Variants in IL16 observed in about 807,000 individuals in gnomAD.
IL16 encodes pro-interleukin-16.
Under a neutral mutation model 110.1 loss-of-function variants are expected in IL16, and 67 were observed. The ratio of observed to expected loss-of-function variants is 0.61; its 90% CI spans 0.50 to 0.75. The LOEUF (loss-of-function observed/expected upper bound fraction) is 0.75, where lower values mean the gene tolerates loss of function less well. Among genes scored for constraint, IL16 ranks in the 30% least tolerant of loss-of-function variants. IL16 has a pLI of 0.00. For missense variants in IL16, 1,545 were observed against 1,655.0 expected, an observed-to-expected ratio of 0.93 and a Z score of 1.15; for synonymous variants, 689 against 662.9, an observed-to-expected ratio of 1.04 and a Z score of -0.61.
chr15:81,231,374 CTCT>C (rs1567008784), intron 2 of IL16, among the ~76,000 whole-genome samples: 8 of 146,672 alleles, frequency 5.5e-5, no homozygotes, highest in African/African-American at 1.8e-4. Flanking sequence ...CTCTCTCTCT[CTCT>C]CTCTCCCTCT....
intron 3 of IL16, among the ~76,000 whole-genome samples, chr15:81,261,387 C>T (rs1898149255): frequency 6.6e-6 from 1 of 152,138 alleles, no homozygotes; most frequent in Non-Finnish European, 1.5e-5. Context: ...CTCCCTGGCT[C>T]TCTGGCTTCT....
intron 1 of IL16, among the ~76,000 whole-genome samples, chr15:81,216,633 C>T (rs1184362645): frequency 6.7e-6 from 1 of 149,732 alleles, no homozygotes; most frequent in Admixed American, 6.6e-5. Flanking sequence ...AGCTGGGCCA[C>T]ATCTGTCTGT....
At chr15:81,285,575 A>G (rs373142044) in intron 9 of IL16, 123 bp from the exon 10 acceptor site, 6 of 1,031,120 alleles carry the variant, frequency 5.8e-6, no homozygotes, top group African/African-American at 4.8e-5. Context: ...AGTGGGGTCT[A>G]CTTATTCATG....
chr15:81,276,409 T>G (rs2142274374), intron 6 of IL16, among the ~76,000 whole-genome samples: 1 of 152,266 alleles, frequency 6.6e-6, no homozygotes, highest in Middle Eastern at 3.4e-3. Context: ...GGCTGCTGGA[T>G]GCTTATAGAC....
intron 6 of IL16, among the ~76,000 whole-genome samples, chr15:81,274,138 T>G (rs1250839720): frequency 6.6e-6 from 1 of 152,184 alleles, no homozygotes; most frequent in Non-Finnish European, 1.5e-5. Context: ...GTCAGCTCGC[T>G]TTCTATAAGC....
intron 12 of IL16, 55 bp downstream of exon 12, chr15:81,293,092 G>A: frequency 6.5e-7 from 1 of 1,534,646 alleles, no homozygotes; most frequent in South Asian, 1.2e-5. Flanking sequence ...CAAATCTTGA[G>A]CATGGGCAAA....
chr15:81,215,370 C>T lies in IL16; in HGVS notation c.-101-9929C>T, dbSNP rs551843513. Among the ~76,000 whole-genome samples, 47 of 152,328 alleles carry T rather than the reference C, an allele frequency of 3.1e-4. 1 individual carries two copies. Among genetic ancestry groups the T allele is most frequent in the African/African-American group, 1.1e-3 (45 of 41,588 alleles). The stretch of plus-strand genomic sequence containing the variant: ...GGGTGAATTCTTGTGTTTGGTTTCA[C>T]AGATGCATATATTAGTAGGATAATT... On this transcript the variant is annotated intron_variant, in intron 1 of 18. Transcript: ENST00000683961.
intron 2 of IL16, among the ~76,000 whole-genome samples, chr15:81,245,515 A>AC (rs1258559864): frequency 6.6e-6 from 1 of 152,070 alleles, no homozygotes; most frequent in African/African-American, 2.4e-5. Context: ...CCATCGCTCT[A>AC]CTCAGCCTTC....
chr15:81,270,364 G>A lies in IL16; in HGVS notation c.675+716G>A, dbSNP rs185277256. Among the ~76,000 whole-genome samples the A allele has an allele frequency of 2.4e-4, 37 of 152,288 alleles. No individual in the cohort carries two copies. The East Asian group carries it at 6.9e-3, about 29-fold the overall frequency. On this transcript the variant is annotated intron_variant, in intron 5 of 18. Transcript: ENST00000683961. ...CAGGTGCTAAAGTAATGAAAGGGTG[G>A]TTTCTTTATGTAATATAATTTTTTG...
At chr15:81,298,228 TC>T (rs1900088285) in intron 13 of IL16, among the ~76,000 whole-genome samples, 1 of 152,238 alleles carries the variant, frequency 6.6e-6, no homozygotes, top group South Asian at 2.1e-4. Context: ...GCAGAATTTC[TC>T]TTTGATATCA....
At chr15:81,251,631 C>T (rs1007550349) in intron 2 of IL16, among the ~76,000 whole-genome samples, 4 of 152,058 alleles carry the variant, frequency 2.6e-5, no homozygotes, top group Non-Finnish European at 5.9e-5. Flanking sequence ...AAAAAGAAAG[C>T]GACAGAACTG....
At chr15:81,233,459 CTGTGTGTG>C (rs5814049) in intron 2 of IL16, among the ~76,000 whole-genome samples, 199 of 143,466 alleles carry the variant, frequency 1.4e-3, no homozygotes, top group African/African-American at 4.2e-3. Flanking sequence ...TCTTCTCTTT[CTGTGTGTG>C]TGTGTGTGTG....
At chr15:81,284,254 T>G (rs921833451) in intron 9 of IL16, among the ~76,000 whole-genome samples, 2 of 152,212 alleles carry the variant, frequency 1.3e-5, no homozygotes, top group Non-Finnish European at 1.5e-5. Context: ...CTCACTGGTT[T>G]TGGGTTTTCC....
At chr15:81,269,062 C>A (rs528242493) in intron 4 of IL16, among the ~76,000 whole-genome samples, 43 of 152,360 alleles carry the variant, frequency 2.8e-4, no homozygotes, top group Admixed American at 5.2e-4. Flanking sequence ...GTCTGCCTAC[C>A]CCAAAATTAC....
chr15:81,308,692 T>C lies in IL16; in HGVS notation c.3893T>C (p.Phe1298Ser). 1 of 1,614,070 alleles carries C rather than the reference T, an allele frequency of 6.2e-7. No individual in the cohort carries two copies. The highest frequency in any genetic ancestry group is 1.1e-5 in the South Asian group (1 of 91,084). The change falls in exon 19 of 19, where the codon TTT (phenylalanine) becomes TCT (serine). Residue 1298 changes from phenylalanine to serine, a missense_variant. By Grantham distance (155) the Phe-to-Ser change is radical (BLOSUM62 -2). Transcript: ENST00000683961. ...GGTAMQGLTR[F>S]EAWNIIKALP... ...ACTGCCATGCAGGGCCTCACACGGT[T>C]TGAAGCCTGGAACATCATCAAGGCA...
At chr15:81,239,517 T>A (rs1180362855) in intron 2 of IL16, among the ~76,000 whole-genome samples, 1 of 152,212 alleles carries the variant, frequency 6.6e-6, no homozygotes, top group Non-Finnish European at 1.5e-5. Context: ...GGCCTCTTTT[T>A]CTACTAGGTG....
chr15:81,294,113 A>AG (rs1449615988), intron 12 of IL16, among the ~76,000 whole-genome samples: 1 of 152,086 alleles, frequency 6.6e-6, no homozygotes, highest in Non-Finnish European at 1.5e-5. Flanking sequence ...ATCTACAGTG[A>AG]GGGTTGGCAA....
intron 9 of IL16, among the ~76,000 whole-genome samples, chr15:81,284,784 A>C (rs940784075): frequency 7.2e-5 from 11 of 152,282 alleles, no homozygotes; most frequent in African/African-American, 2.4e-4. Flanking sequence ...TGTTTTAATA[A>C]AATTATATTG....
chr15:81,189,252 TA>T (rs980302027), intron 1 of IL16, among the ~76,000 whole-genome samples: 3 of 151,376 alleles, frequency 2.0e-5, no homozygotes, highest in Non-Finnish European at 4.4e-5. Flanking sequence ...GCCTCCCGAG[TA>T]GCTGGGATTA....
Sources: allele counts gnomAD v4.1 joint callset (sites outside exome capture counted in the v4.1 genomes callset), GRCh38; gene constraint gnomAD v4.1.1; transcripts MANE v1.5; gene names NCBI Gene and HGNC (gene_info 2026-07-23, HGNC 2026-07-21).